DEAF1: variants seen among roughly 807,000 people sequenced by gnomAD.
DEAF1 encodes deformed epidermal autoregulatory factor 1 homolog.
A neutral mutation model predicts 58.9 loss-of-function variants in DEAF1; 53 were observed. That is an observed-to-expected ratio of 0.90 (90% CI 0.72 to 1.13). DEAF1 has a LOEUF of 1.13. Ranked by LOEUF, DEAF1 falls within the 50% of genes most tolerant of loss-of-function variation. The pLI is 0.00. For synonymous variants in DEAF1, 385 were observed against 340.4 expected, an observed-to-expected ratio of 1.13 and a Z score of -1.44; for missense variants, 685 against 791.4, an observed-to-expected ratio of 0.87 and a Z score of 1.61.
chr11:690,921 C>T (rs1192621715), intron 2 of DEAF1, among the ~76,000 whole-genome samples: 6 of 152,210 alleles, frequency 3.9e-5, no homozygotes, highest in African/African-American at 1.4e-4. Flanking sequence ...GGTTGCCTGC[C>T]CTGGTTGACC....
rs1417812506 is a variant in DEAF1, at chr11:654,640, C to T, written c.1504-589G>A. ...CTGTAATCCCAGGACTTTGGGCAGC[C>T]GAGGCGGGTGGATCACCTGAGGTCA... On this transcript the variant is annotated intron_variant, in intron 10 of 11. Coordinates refer to ENST00000382409, the MANE Select transcript of DEAF1 (RefSeq NM_021008.4). The T allele has an allele frequency of 4.8e-5, 22 of 454,738 alleles. No homozygotes were observed. The highest frequency in any genetic ancestry group is 2.1e-4 in the East Asian group (3 of 14,320). 28.2% of individuals were successfully genotyped at this position (454,738 alleles called of 1,614,324 possible).
At position 700,228 on chromosome 11, in the gene DEAF1, G is replaced by A. The variant is rs201741407; in HGVS notation, c.-438+6344C>T. ...TCCTCGCCACGCTCCTGATGATCACGTATAAAAGTAAGTCAGGGACGGGCA... is the reference window on the plus strand; with the variant it reads ...TCCTCGCCACGCTCCTGATGATCACATATAAAAGTAAGTCAGGGACGGGCA... On this transcript the variant is annotated intron_variant, in intron 1 of 11. Coordinates refer to the DEAF1 transcript ENST00000683307. 19 of 1,613,210 alleles carry A rather than the reference G, an allele frequency of 1.2e-5. No individual in the cohort carries two copies. In the African/African-American group the frequency reaches 1.2e-4, roughly 10 times the overall value.
intron 1 of DEAF1, among the ~76,000 whole-genome samples, chr11:692,767 A>T (rs796902911): frequency 2.6e-5 from 4 of 151,896 alleles, no homozygotes; most frequent in African/African-American, 9.7e-5. Context: ...CAGGAGAATC[A>T]CTTGAACCCG....
chr11:700,861 T>TC, intron 1 of DEAF1: 1 of 716,428 alleles, frequency 1.4e-6, no homozygotes. Flanking sequence ...CCTTACAGTG[T>TC]CATTAAGTAT....
chr11:695,554 G>A (rs1590029492), upstream of DEAF1: 12 of 1,215,294 alleles, frequency 9.9e-6, no homozygotes, highest in Non-Finnish European at 1.2e-5. Flanking sequence ...GCCGCCGGCG[G>A]AAGCCGAGTC....
intron 10 of DEAF1, among the ~76,000 whole-genome samples, chr11:668,387 G>A (rs1273329256): frequency 2.6e-5 from 4 of 152,124 alleles, no homozygotes; most frequent in Admixed American, 6.6e-5. Flanking sequence ...TATTCACCAC[G>A]AAAAGTATAT....
chr11:651,903 C>G (rs1858791186), intron 11 of DEAF1, among the ~76,000 whole-genome samples: 1 of 152,078 alleles, frequency 6.6e-6, no homozygotes, highest in South Asian at 2.1e-4. Context: ...AAAACAAAAA[C>G]CAGATAATTC....
intron 6 of DEAF1, among the ~76,000 whole-genome samples, chr11:682,264 G>A (rs1051421162): frequency 1.3e-5 from 2 of 152,224 alleles, no homozygotes; most frequent in Admixed American, 1.3e-4. Flanking sequence ...ACAATGCCCT[G>A]GGGCACACAC....
At chr11:693,014 G>A (rs1031592615) in intron 1 of DEAF1, among the ~76,000 whole-genome samples, 6 of 152,278 alleles carry the variant, frequency 3.9e-5, no homozygotes, top group Middle Eastern at 3.4e-3. Flanking sequence ...GGGAGCAGCC[G>A]CCCAAAGCCT....
At chr11:653,435 TCGCGTGGCTCTG>T (rs1564924778) in intron 11 of DEAF1, among the ~76,000 whole-genome samples, 20 of 142,966 alleles carry the variant, frequency 1.4e-4, no homozygotes, top group African/African-American at 5.0e-4. Flanking sequence ...ACAGTCTCTC[TCGCGTGGCTCTG>T]CAGGGGTGTG....
At chr11:694,484 G>A (rs1373625401) in intron 1 of DEAF1, 1 of 344,920 alleles carries the variant, frequency 2.9e-6, no homozygotes, top group Non-Finnish European at 5.2e-6. Context: ...AGGTACGTGG[G>A]GAAAGTGTGA....
chr11:670,231 G>A (rs1444693123), intron 10 of DEAF1, among the ~76,000 whole-genome samples: 2 of 151,992 alleles, frequency 1.3e-5, no homozygotes, highest in Non-Finnish European at 2.9e-5. Flanking sequence ...GGAGATTGAG[G>A]CACTTTGCTG....
intron 1 of DEAF1, among the ~76,000 whole-genome samples, chr11:691,967 G>A (rs1295031458): frequency 1.3e-5 from 2 of 152,200 alleles, no homozygotes; most frequent in Non-Finnish European, 2.9e-5. Context: ...CTATGCCTAC[G>A]AGGAGCTCTC....
chr11:651,370 A>G (rs765437152), intron 11 of DEAF1: 14 of 324,482 alleles, frequency 4.3e-5, no homozygotes, highest in Non-Finnish European at 7.2e-5. Flanking sequence ...AAGCCAGGAG[A>G]TGGAGACCAG....
chr11:701,689 G>A lies in DEAF1; in HGVS notation c.-438+4883C>T, dbSNP rs561962693. ...CTCCCAAAGTGCTGGGATTACAGGC[G>A]TGAGCCACCGCGCCCGGCCGGAGAC... On this transcript the variant is annotated intron_variant, in intron 1 of 11. Transcript: ENST00000683307. 1.9e-3 allele frequency among the ~76,000 whole-genome samples: 295 copies of A among 152,124 alleles called. 2 individuals carry two copies. In the South Asian group the frequency reaches 0.023, roughly 12 times the overall value.
chr11:674,868 G>T, intron 9 of DEAF1, 85 bp from the exon 10 acceptor site: 1 of 1,578,186 alleles, frequency 6.3e-7, no homozygotes, highest in Non-Finnish European at 8.6e-7. Flanking sequence ...TTCTCAGCCG[G>T]GCGCGGTGGC....
intron 9 of DEAF1, among the ~76,000 whole-genome samples, chr11:676,317 T>C (rs1289126681): frequency 3.2e-5 from 1 of 31,084 alleles, no homozygotes; most frequent in Non-Finnish European, 5.7e-5. Flanking sequence ...GCACCCGACA[T>C]CCCCCCAGCA....
chr11:674,691 G>T lies in DEAF1; in HGVS notation c.1348C>A (p.Pro450Thr), dbSNP rs374222357. ...ALVNGLELSE[P>T]RSWLYLEEMV... is the part of the protein sequence containing the mutation. ...TCTTCTAGGTACAGCCAGCTCCGCG[G>T]CTCTGACAGCTCCAGCCCATTGACC... is the stretch of plus-strand genomic sequence containing the variant. The change falls in exon 10 of 12, where the codon CCG becomes ACG. Residue 450 changes from proline to threonine, a missense_variant. Pro to Thr is a conservative substitution (Grantham distance 38). This residue lies in a region of DEAF1 where 343 missense variants were observed against 379.8 expected (regional missense o/e 0.90). Coordinates refer to ENST00000382409, the MANE Select transcript of DEAF1 (RefSeq NM_021008.4). 3.7e-6 allele frequency: 6 copies of T among 1,613,976 alleles called. No homozygotes were observed. The Admixed American group carries it at 1.0e-4, about 27-fold the overall frequency.
At chr11:648,113 G>A (rs920776768) in intron 11 of DEAF1, among the ~76,000 whole-genome samples, 11 of 152,028 alleles carry the variant, frequency 7.2e-5, no homozygotes, top group African/African-American at 2.7e-4. Flanking sequence ...ATTCCTGTTG[G>A]GGCTTCATAA....
Sources: gnomAD v4.1 joint callset for allele counts (sites outside exome capture counted in the v4.1 genomes callset) on GRCh38, gnomAD v4.1.1 for gene constraint, gnomAD v4.1.1 regional missense constraint, MANE v1.5 for transcripts, NCBI Gene and HGNC (gene_info 2026-07-23, HGNC 2026-07-21) for gene names.